The following PVT1 variants were observed in gnomAD, a reference collection of about 807,000 sequenced individuals.
The protein encoded by PVT1 is Pvt1 oncogene.
intron 4 of PVT1, among the ~76,000 whole-genome samples, chr8:128,010,797 T>C (rs16902541): frequency 0.016 from 2,486 of 152,292 alleles, 66 homozygotes; most frequent in African/African-American, 0.056. Context: ...TGTCCCGTCT[T>C]GTTGAATCAC....
intron 2 of PVT1, among the ~76,000 whole-genome samples, chr8:127,874,760 A>T (rs1815386784): frequency 1.3e-5 from 2 of 152,162 alleles, no homozygotes; most frequent in Non-Finnish European, 2.9e-5. Flanking sequence ...GAAGGTTTTC[A>T]TCCTCCTTAA....
chr8:127,852,178 G>A (rs990063178), intron 2 of PVT1: 7 of 152,272 alleles, frequency 4.6e-5, no homozygotes, highest in South Asian at 2.1e-4. Flanking sequence ...TACTTTGTGT[G>A]GGATTCCAAA....
intron 4 of PVT1, among the ~76,000 whole-genome samples, chr8:128,036,088 T>C (rs1009696103): frequency 1.3e-5 from 2 of 152,176 alleles, no homozygotes; most frequent in African/African-American, 4.8e-5. Context: ...ACTTCCCTAG[T>C]GATGAAGGAG....
intron 2 of PVT1, among the ~76,000 whole-genome samples, chr8:127,849,437 G>A (rs925136612): frequency 3.3e-5 from 5 of 152,144 alleles, no homozygotes; most frequent in African/African-American, 1.2e-4. Flanking sequence ...GTTCCCAGGA[G>A]GTGGAAAGAC....
chr8:127,892,578 C>T (rs1346161942), intron 3 of PVT1, among the ~76,000 whole-genome samples: 2 of 152,138 alleles, frequency 1.3e-5, no homozygotes, highest in Non-Finnish European at 2.9e-5. Flanking sequence ...ATGTACCTTC[C>T]CCAAGGTTAT....
chr8:127,957,201 G>A (rs1816579988), intron 3 of PVT1, among the ~76,000 whole-genome samples: 2 of 152,080 alleles, frequency 1.3e-5, no homozygotes, highest in Admixed American at 1.3e-4. Context: ...CTCTGCTCCC[G>A]AGCACTAGGA....
At chr8:127,975,480 G>A (rs995546035) in intron 3 of PVT1, among the ~76,000 whole-genome samples, 2 of 152,234 alleles carry the variant, frequency 1.3e-5, no homozygotes, top group South Asian at 4.1e-4. Flanking sequence ...AGCCAAGTTC[G>A]TTACTTTCCA....
At chr8:127,973,789 C>A (rs1398273655) in intron 3 of PVT1, among the ~76,000 whole-genome samples, 1 of 151,350 alleles carries the variant, frequency 6.6e-6, no homozygotes, top group Non-Finnish European at 1.5e-5. Flanking sequence ...ACCATCCTGG[C>A]TAACATGGTG....
chr8:127,798,176 C>T (rs1176172138), intron 2 of PVT1, among the ~76,000 whole-genome samples: 1 of 151,764 alleles, frequency 6.6e-6, no homozygotes, highest in Non-Finnish European at 1.5e-5. Flanking sequence ...TGGTGGCGCA[C>T]ACTTGTAATT....
intron 2 of PVT1, among the ~76,000 whole-genome samples, chr8:127,833,709 C>G (rs1000740922): frequency 1.5e-4 from 23 of 152,316 alleles, no homozygotes; most frequent in African/African-American, 5.5e-4. Context: ...CTGCCTCAGC[C>G]TCCCAAAGTG....
intron 3 of PVT1, among the ~76,000 whole-genome samples, chr8:127,988,990 AC>A (rs1817000970): frequency 1.3e-5 from 2 of 152,214 alleles, no homozygotes; most frequent in South Asian, 4.1e-4. Context: ...AATGCCTAAC[AC>A]AGTGCTTGCC....
At chr8:128,044,875 G>A (rs1039383992) in intron 4 of PVT1, among the ~76,000 whole-genome samples, 5 of 152,188 alleles carry the variant, frequency 3.3e-5, no homozygotes, top group Admixed American at 2.6e-4. Context: ...TGCGGAGTGA[G>A]CCTTATTCAT....
At chr8:128,036,844 G>C (rs1042429282) in intron 4 of PVT1, among the ~76,000 whole-genome samples, 3 of 152,242 alleles carry the variant, frequency 2.0e-5, no homozygotes, top group Admixed American at 2.0e-4. Context: ...AGTTGAGCAA[G>C]TGACTGTTAG....
rs534010902 is a variant in PVT1 at position 127,989,465 on chromosome 8, G to C, written n.912+174G>C. Among the ~76,000 whole-genome samples, 5 of 152,264 alleles carry C rather than the reference G, an allele frequency of 3.3e-5. No individual in the cohort carries two copies. The South Asian group carries it at 8.3e-4, about 25-fold the overall frequency. On this transcript the variant is annotated intron_variant and non_coding_transcript_variant, in intron 4 of 10. Transcript: ENST00000651587. ...TAACCTCTCCCCGACCTGGTTCTCA[G>C]AGTCTAGTCCACTTATTCATTGTGC...
Position 127,914,815 on chromosome 8 carries a change from G to GTTT in PVT1, n.782+23834_782+23836dup, listed in dbSNP as rs1181623236. 3.5e-3 allele frequency among the ~76,000 whole-genome samples: 455 copies of GTTT among 130,798 alleles called. 9 individuals carry two copies. Among genetic ancestry groups the GTTT allele is most frequent in the African/African-American group, 0.013 (429 of 34,274 alleles). The allele number at this position is 130,798 out of a possible 152,430, so 85.8% of individuals were successfully genotyped here. A position where few individuals can be genotyped will look rare whatever the true frequency, so the allele number is the denominator to read the frequency against. ...CTTAATGGGTACAAAGTTGTTGTTGGTTTTTTTTTTTTTTTTTTTGAGACC... is the reference window on the plus strand; with the variant it reads ...CTTAATGGGTACAAAGTTGTTGTTGGTTTTTTTTTTTTTTTTTTTTTTGAGACC... On this transcript the variant is annotated intron_variant and non_coding_transcript_variant, in intron 3 of 10. Transcript: ENST00000651587.
chr8:127,998,372 T>A (rs1437286232), intron 4 of PVT1: 2 of 152,230 alleles, frequency 1.3e-5, no homozygotes, highest in African/African-American at 4.8e-5. Flanking sequence ...ATTTATTTGA[T>A]AATTTTTAAT....
intron 4 of PVT1, among the ~76,000 whole-genome samples, chr8:127,996,087 C>A (rs147511404): frequency 6.6e-6 from 1 of 152,240 alleles, no homozygotes; most frequent in East Asian, 1.9e-4. Context: ...CACTCCAATT[C>A]CTCTCCCACA....
chr8:127,964,553 G>A (rs974299948), intron 3 of PVT1, among the ~76,000 whole-genome samples: 1 of 152,296 alleles, frequency 6.6e-6, no homozygotes, highest in East Asian at 1.9e-4. Flanking sequence ...TAAAACAACA[G>A]AAATTTATTG....
At chr8:127,963,283 T>C (rs1335299779) in intron 3 of PVT1, among the ~76,000 whole-genome samples, 1 of 152,220 alleles carries the variant, frequency 6.6e-6, no homozygotes, top group Non-Finnish European at 1.5e-5. Flanking sequence ...GCCTGCCCTC[T>C]ACCTTGGATG....
Sources: gnomAD v4.1 joint callset for allele counts (sites outside exome capture counted in the v4.1 genomes callset) on GRCh38, gnomAD v4.1.1 for gene constraint, MANE v1.5 for transcripts, NCBI Gene and HGNC (gene_info 2026-07-23, HGNC 2026-07-21) for gene names.